Variants in ADAMTS19 observed in about 807,000 individuals in gnomAD.
The protein encoded by ADAMTS19 is A disintegrin and metalloproteinase with thrombospondin motifs 19.
ADAMTS19 carries 93 observed loss-of-function variants against 153.3 expected under a neutral mutation model. The ratio of observed to expected loss-of-function variants is 0.61; its 90% CI spans 0.51 to 0.72. The LOEUF (loss-of-function observed/expected upper bound fraction) is 0.72. Ranked by LOEUF, ADAMTS19 falls within the 30% of genes least tolerant of loss-of-function variation. The probability of loss-of-function intolerance (pLI) is 0.00; values close to 1 mark genes in which losing one functional copy is unlikely to be tolerated. For synonymous variants in ADAMTS19, 600 were observed against 556.6 expected, an observed-to-expected ratio of 1.08 and a Z score of -1.10; for missense variants, 1,482 against 1,552.1, an observed-to-expected ratio of 0.95 and a Z score of 0.76.
At chr5:129,601,117 C>T (rs1206189158) in intron 8 of ADAMTS19, among the ~76,000 whole-genome samples, 1 of 152,092 alleles carries the variant, frequency 6.6e-6, no homozygotes, top group Non-Finnish European at 1.5e-5. Context: ...GTGATCCGCC[C>T]GCCTCGGTCT....
chr5:129,643,183 ACACAAG>A (rs1752882426), intron 11 of ADAMTS19, among the ~76,000 whole-genome samples: 1 of 151,934 alleles, frequency 6.6e-6, no homozygotes, highest in African/African-American at 2.4e-5. Flanking sequence ...ACACACACAC[ACACAAG>A]TATATATTTT....
intron 3 of ADAMTS19, among the ~76,000 whole-genome samples, chr5:129,520,011 C>T (rs994744718): frequency 6.6e-6 from 1 of 152,084 alleles, no homozygotes. Flanking sequence ...TGGATCCCAT[C>T]CAGATGCACT....
At chr5:129,728,957 C>G (rs1448103348) in intron 21 of ADAMTS19, among the ~76,000 whole-genome samples, 1 of 152,104 alleles carries the variant, frequency 6.6e-6, no homozygotes, top group Non-Finnish European at 1.5e-5. Flanking sequence ...AGACTTGTCA[C>G]AACTGTAAGC....
chr5:129,536,498 G>C (rs1436163667), intron 6 of ADAMTS19, among the ~76,000 whole-genome samples: 1 of 152,216 alleles, frequency 6.6e-6, no homozygotes, highest in Admixed American at 6.6e-5. Context: ...GTGGAAGTCA[G>C]TGTGGCGATT....
At chr5:129,552,927 T>C (rs1461886080) in intron 7 of ADAMTS19, among the ~76,000 whole-genome samples, 1 of 151,998 alleles carries the variant, frequency 6.6e-6, no homozygotes, top group African/African-American at 2.4e-5. Flanking sequence ...GAATATTTGG[T>C]TCAGAAGGAA....
intron 7 of ADAMTS19, among the ~76,000 whole-genome samples, chr5:129,569,805 G>A (rs1362054736): frequency 6.6e-6 from 1 of 151,952 alleles, no homozygotes; most frequent in African/African-American, 2.4e-5. Context: ...ATTGGAGGAT[G>A]CAGAAAAAGC....
At chr5:129,704,535 T>A (rs1486201788) in intron 21 of ADAMTS19, 144 bp downstream of exon 21, 25 of 909,802 alleles carry the variant, frequency 2.7e-5, no homozygotes, top group Non-Finnish European at 6.4e-6. Flanking sequence ...TCTGGCTGGC[T>A]GTCCATGATC....
At chr5:129,692,070 G>A (rs567168674) in intron 18 of ADAMTS19, among the ~76,000 whole-genome samples, 142 of 152,204 alleles carry the variant, frequency 9.3e-4, no homozygotes, top group African/African-American at 3.1e-3. Context: ...TAAGTGTCAA[G>A]GCTTCAAGTT....
chr5:129,684,442 T>G (rs1754974505), intron 18 of ADAMTS19, among the ~76,000 whole-genome samples, 169 bp downstream of exon 18: 1 of 152,196 alleles, frequency 6.6e-6, no homozygotes, highest in Admixed American at 6.5e-5. Flanking sequence ...CTGAAATACT[T>G]AGAATGGAAG....
chr5:129,480,298 A>T (rs998097831), intron 2 of ADAMTS19, among the ~76,000 whole-genome samples: 1 of 152,202 alleles, frequency 6.6e-6, no homozygotes, highest in Non-Finnish European at 1.5e-5. Context: ...ATTTGAATAA[A>T]CTATAAATCA....
At chr5:129,734,069 G>T (rs1374983688) in intron 21 of ADAMTS19, among the ~76,000 whole-genome samples, 1 of 151,720 alleles carries the variant, frequency 6.6e-6, no homozygotes, top group African/African-American at 2.4e-5. Flanking sequence ...TATCCTAAGT[G>T]AAATAACTCA....
chr5:129,562,534 CT>C (rs1309376703), intron 7 of ADAMTS19, among the ~76,000 whole-genome samples: 4 of 152,146 alleles, frequency 2.6e-5, no homozygotes, highest in Admixed American at 2.6e-4. Flanking sequence ...CTGAAAGGGT[CT>C]TATGGAATCC....
chr5:129,503,824 T>C (rs1266755048), intron 2 of ADAMTS19, among the ~76,000 whole-genome samples: 1 of 151,324 alleles, frequency 6.6e-6, no homozygotes, highest in Non-Finnish European at 1.5e-5. Flanking sequence ...TGACACTCCA[T>C]CTCAAAAAAA....
At chr5:129,673,771 G>A (rs946377535) in intron 16 of ADAMTS19, among the ~76,000 whole-genome samples, 1 of 151,950 alleles carries the variant, frequency 6.6e-6, no homozygotes, top group African/African-American at 2.4e-5. Flanking sequence ...TTTGCTTCAT[G>A]CATTTTGATA....
chr5:129,598,765 A>G (rs1382624695), intron 8 of ADAMTS19, among the ~76,000 whole-genome samples: 2 of 152,190 alleles, frequency 1.3e-5, no homozygotes. Context: ...TTTTAAATGT[A>G]TAGATATGCA....
intron 6 of ADAMTS19, among the ~76,000 whole-genome samples, chr5:129,548,382 T>C (rs1752940097): frequency 1.3e-5 from 2 of 150,018 alleles, no homozygotes; most frequent in Non-Finnish European, 3.0e-5. Flanking sequence ...GAACAGACAC[T>C]TCTCAAAAGA....
At chr5:129,555,177 G>T (rs549400240) in intron 7 of ADAMTS19, among the ~76,000 whole-genome samples, 1 of 152,138 alleles carries the variant, frequency 6.6e-6, no homozygotes, top group South Asian at 2.1e-4. Context: ...TATTAGTTTG[G>T]ATCATATAGG....
At chr5:129,559,390 TA>T (rs1168272994) in intron 7 of ADAMTS19, among the ~76,000 whole-genome samples, 1 of 150,830 alleles carries the variant, frequency 6.6e-6, no homozygotes, top group East Asian at 1.9e-4. Flanking sequence ...AAGGGTGAAT[TA>T]AAAAAAAATA....
chr5:129,704,332 G>T lies in ADAMTS19; in HGVS notation c.3253G>T (p.Ala1085Ser). ...TGTCCTCTCTACCAGACCCAGGGAG[G>T]CTGAAGACTGTGAGGATTATTCAAA... ...KCVLSTRPRE[A>S]EDCEDYSKCY... The change falls in exon 21 of 23, where the codon GCT becomes TCT. Residue 1085 changes from alanine to serine, a missense_variant. Ala to Ser is a moderately conservative substitution (Grantham distance 99). Transcript: ENST00000274487. 6.2e-7 allele frequency: 1 copy of T among 1,614,130 alleles called. No individual in the cohort carries two copies. Among genetic ancestry groups the T allele is most frequent in the Non-Finnish European group, 8.5e-7 (1 of 1,180,004 alleles).
Sources: gnomAD v4.1 joint callset for allele counts (sites outside exome capture counted in the v4.1 genomes callset) on GRCh38, gnomAD v4.1.1 for gene constraint, MANE v1.5 for transcripts, NCBI Gene and HGNC (gene_info 2026-07-23, HGNC 2026-07-21) for gene names.